CDH8: variants seen among roughly 807,000 people sequenced by gnomAD.
CDH8 encodes cadherin 8, also known as cadherin-8.
In CDH8, 17 loss-of-function variants were observed where a neutral mutation model predicts 68.1. The ratio of observed to expected loss-of-function variants is 0.25; its 90% confidence interval spans 0.17 to 0.37. The LOEUF is 0.37. CDH8 is among the 10% of genes least tolerant of loss of function. CDH8 has a pLI of 1.00. For missense variants in CDH8, 763 were observed against 999.3 expected (o/e 0.76, Z 3.19); for synonymous variants, 372 against 365.1 (o/e 1.02, Z -0.21).
At chr16:61,796,961 T>C (rs1961514818) in intron 7 of CDH8, among the ~76,000 whole-genome samples, 1 of 152,074 alleles carries the variant, frequency 6.6e-6, no homozygotes, top group Admixed American at 6.6e-5. Context: ...GGAAATAACA[T>C]ACTTCTGCAT....
At chr16:61,742,254 T>A (rs576536277) in intron 8 of CDH8, among the ~76,000 whole-genome samples, 1 of 152,132 alleles carries the variant, frequency 6.6e-6, no homozygotes, top group Non-Finnish European at 1.5e-5. Flanking sequence ...AGTTTATAGA[T>A]TATTTTTGTA....
intron 3 of CDH8, among the ~76,000 whole-genome samples, chr16:61,886,951 A>G (rs1436575978): frequency 6.6e-6 from 1 of 152,226 alleles, no homozygotes; most frequent in Non-Finnish European, 1.5e-5. Context: ...TAGAGAATAC[A>G]CACAGCATGA....
intron 2 of CDH8, among the ~76,000 whole-genome samples, chr16:61,924,859 T>G (rs1344773461): frequency 6.6e-6 from 1 of 152,108 alleles, no homozygotes; most frequent in Non-Finnish European, 1.5e-5. Context: ...AGGAGGATTA[T>G]TTGTAAGACA....
intron 8 of CDH8, among the ~76,000 whole-genome samples, chr16:61,756,787 T>A (rs563494690): frequency 1.3e-5 from 2 of 152,320 alleles, no homozygotes; most frequent in South Asian, 4.1e-4. Context: ...CCCTGGCATA[T>A]GTCCCATTGA....
rs1431141255 is a variant in CDH8 at position 61,651,471 on chromosome 16, G to A, written c.*2137C>T. 6.6e-6 allele frequency: 1 copy of A among 152,170 alleles called. No individual in the cohort carries two copies. Among genetic ancestry groups the A allele is most frequent in the Non-Finnish European group, 1.5e-5 (1 of 68,034 alleles). 9.4% of individuals were successfully genotyped at this position (152,170 alleles called of 1,614,324 possible). On this transcript the variant is annotated 3_prime_UTR_variant, in exon 12 of 12. Transcript: ENST00000577390. ...TATAGTATTTAAACATGCAGTTTCT[G>A]TCACAGTGAAGGTGGCCTCTAGAAG...
chr16:61,993,340 G>C (rs1214959408), intron 2 of CDH8, among the ~76,000 whole-genome samples: 1 of 151,906 alleles, frequency 6.6e-6, no homozygotes, highest in Non-Finnish European at 1.5e-5. Flanking sequence ...TTATTTTTGA[G>C]ACGGAGTTTC....
intron 10 of CDH8, among the ~76,000 whole-genome samples, chr16:61,697,020 A>G (rs1964338786): frequency 6.6e-6 from 1 of 152,202 alleles, no homozygotes; most frequent in Admixed American, 6.5e-5. Flanking sequence ...AGGATTATTC[A>G]TATATAAAAG....
intron 6 of CDH8, among the ~76,000 whole-genome samples, chr16:61,819,640 A>G (rs949768903): frequency 1.3e-5 from 2 of 152,138 alleles, no homozygotes; most frequent in Admixed American, 1.3e-4. Flanking sequence ...TTTTATAAAA[A>G]AGAATATCCA....
Position 61,652,530 on chromosome 16 carries a change from C to A in CDH8, c.*1078G>T. 1 of 1,022,884 alleles carries A rather than the reference C, an allele frequency of 9.8e-7. No individual in the cohort carries two copies. The highest frequency in any genetic ancestry group is 1.2e-6 in the Non-Finnish European group (1 of 854,910). The allele number at this position is 1,022,884 out of a possible 1,614,324, so 63.4% of individuals were successfully genotyped here. A position where few individuals can be genotyped will look rare whatever the true frequency, so the allele number is the denominator to read the frequency against. On this transcript the variant is annotated 3_prime_UTR_variant, in exon 12 of 12. Coordinates refer to ENST00000577390, the MANE Select transcript of CDH8 (RefSeq NM_001796.5). ...ATGCTGTTCCTGCCATCTCCAGTTA[C>A]AATAACACTTTCTACTCTAAAGAGA...
At chr16:61,999,105 G>C (rs529612881) in intron 2 of CDH8, among the ~76,000 whole-genome samples, 1 of 152,310 alleles carries the variant, frequency 6.6e-6, no homozygotes, top group South Asian at 2.1e-4. Context: ...ACAATCATCA[G>C]AAGAGTAAGG....
rs144046463 is a variant in CDH8, at chr16:61,657,805, A to G, written c.1655-2084T>C. 5.8e-4 allele frequency among the ~76,000 whole-genome samples: 89 copies of G among 152,210 alleles called. 1 individual carries two copies. Among genetic ancestry groups the G allele is most frequent in the African/African-American group, 2.0e-3 (83 of 41,576 alleles). ...CAATCTTTCCATATTCTCCTTTTGT[A>G]ACAGACTATTATAATAATTTAGAAA... is the stretch of plus-strand genomic sequence containing the variant. On this transcript the variant is annotated intron_variant, in intron 10 of 11. Coordinates refer to ENST00000577390, the MANE Select transcript of CDH8 (RefSeq NM_001796.5).
At chr16:61,880,173 C>T (rs562724890) in intron 3 of CDH8, among the ~76,000 whole-genome samples, 9 of 152,254 alleles carry the variant, frequency 5.9e-5, no homozygotes, top group African/African-American at 1.9e-4. Context: ...ATCTGCCTGC[C>T]TTGGCATCCC....
chr16:61,818,815 A>T (rs1962142532), intron 6 of CDH8, among the ~76,000 whole-genome samples: 1 of 152,130 alleles, frequency 6.6e-6, no homozygotes, highest in African/African-American at 2.4e-5. Flanking sequence ...AATAAACTAG[A>T]AGACAAACTG....
In CDH8 at chr16:61,709,572, A is replaced by G. The variant is rs1964590878; in HGVS notation, c.1654+4269T>C. On this transcript the variant is annotated intron_variant, in intron 10 of 11. Transcript: ENST00000577390. ...TGTCTGTAATTTTCCAGCTATGTAA[A>G]TGGTTCCCACAGAGTATGTGTGTTT... is the stretch of plus-strand genomic sequence containing the variant. Among the ~76,000 whole-genome samples, 4 of 152,122 alleles carry G rather than the reference A, an allele frequency of 2.6e-5. No individual in the cohort carries two copies. In the South Asian group the frequency reaches 8.3e-4, roughly 31 times the overall value.
intron 10 of CDH8, among the ~76,000 whole-genome samples, chr16:61,690,285 G>A (rs1964192733): frequency 6.6e-6 from 1 of 152,000 alleles, no homozygotes; most frequent in Non-Finnish European, 1.5e-5. Context: ...TTGAATAGAT[G>A]CATTATTGAT....
chr16:61,804,601 A>T (rs903926072), intron 7 of CDH8, among the ~76,000 whole-genome samples: 6 of 149,448 alleles, frequency 4.0e-5, no homozygotes, highest in Non-Finnish European at 8.9e-5. Context: ...AAGAGAGAAG[A>T]ATCAAATAGA....
chr16:61,912,963 C>T (rs1040018229), intron 2 of CDH8, among the ~76,000 whole-genome samples: 1 of 151,998 alleles, frequency 6.6e-6, no homozygotes, highest in South Asian at 2.1e-4. Context: ...GCAATAAAAA[C>T]TAATATTCAA....
intron 1 of CDH8, among the ~76,000 whole-genome samples, chr16:62,023,944 C>T (rs1902135355): frequency 6.6e-6 from 1 of 152,144 alleles, no homozygotes; most frequent in African/African-American, 2.4e-5. Flanking sequence ...TATTTATGGG[C>T]TCAAGTGATC....
At chr16:61,679,020 G>C (rs992875556) in intron 10 of CDH8, among the ~76,000 whole-genome samples, 2 of 152,192 alleles carry the variant, frequency 1.3e-5, no homozygotes, top group South Asian at 2.1e-4. Context: ...TAAGGAAACA[G>C]TTGGACTGTA....
Sources: gnomAD v4.1 joint callset for allele counts (sites outside exome capture counted in the v4.1 genomes callset) on GRCh38, gnomAD v4.1.1 for gene constraint, MANE v1.5 for transcripts, NCBI Gene and HGNC (gene_info 2026-07-23, HGNC 2026-07-21) for gene names.